ANKLE2: variants seen among roughly 807,000 people sequenced by gnomAD.
ANKLE2 encodes ankyrin repeat and LEM domain-containing protein 2.
ANKLE2 carries 55 observed loss-of-function variants against 84.2 expected under a neutral mutation model. The ratio of observed to expected loss-of-function variants is 0.65; its 90% CI spans 0.53 to 0.82. The LOEUF is 0.82. Ranked by LOEUF, ANKLE2 falls within the 40% of genes least tolerant of loss-of-function variation. The pLI is 0.00. For synonymous variants in ANKLE2, 551 were observed against 486.1 expected (o/e 1.13, Z -1.76); for missense variants, 1,238 against 1,201.9 (o/e 1.03, Z -0.44).
In ANKLE2 at chr12:132,727,023, A is replaced by G; in HGVS notation, c.*219T>C. 1.7e-6 allele frequency: 1 copy of G among 576,932 alleles called. No individual in the cohort carries two copies. The highest frequency in any genetic ancestry group is 2.9e-6 in the Non-Finnish European group (1 of 347,844). The allele number at this position is 576,932 out of a possible 1,614,324, so 35.7% of individuals were successfully genotyped here. ...ATTACCACATGGATATTTTCCAGAAAATTGGTAACTGAGTTTGCTTTCATT... is the reference window on the plus strand; with the variant it reads ...ATTACCACATGGATATTTTCCAGAAGATTGGTAACTGAGTTTGCTTTCATT... On this transcript the variant is annotated 3_prime_UTR_variant, in exon 13 of 13. Coordinates refer to ENST00000357997, the MANE Select transcript of ANKLE2 (RefSeq NM_015114.3).
At chr12:132,755,489 T>C in intron 1 of ANKLE2, 1 of 151,698 alleles carries the variant, frequency 6.6e-6, no homozygotes, top group Non-Finnish European at 1.4e-5. Context: ...AGGCTGCAAT[T>C]AGCCGAGATC....
intron 11 of ANKLE2, among the ~76,000 whole-genome samples, chr12:132,728,997 AAG>A (rs1397136866): frequency 6.6e-6 from 1 of 152,076 alleles, no homozygotes; most frequent in African/African-American, 2.4e-5. Flanking sequence ...AAGACCCAGA[AAG>A]AGCATCTAGA....
intron 8 of ANKLE2, 92 bp downstream of exon 8, chr12:132,736,801 G>C: frequency 2.8e-6 from 4 of 1,448,142 alleles, no homozygotes; most frequent in Non-Finnish European, 3.7e-6. Context: ...CATGGTCCCT[G>C]AGACCACGCA....
In ANKLE2 at chr12:132,755,144, G is replaced by C. The variant is rs1294757872; in HGVS notation, c.182-11C>G. 6.3e-7 allele frequency: 1 copy of C among 1,578,412 alleles called. No homozygotes were observed. On this transcript the variant is annotated splice_polypyrimidine_tract_variant and intron_variant, in intron 1 of 12. Coordinates refer to ENST00000357997, the MANE Select transcript of ANKLE2 (RefSeq NM_015114.3). ...CCATTGTCATTTCACCTAGGCCCAA[G>C]ACAAAAAAATCAAAGAGTCACAAAA...
At position 132,754,884 on chromosome 12, in the gene ANKLE2, T is replaced by G; in HGVS notation, c.431A>C (p.Asn144Thr). Residue 144 changes from asparagine (N) to threonine (T), a missense_variant, in exon 2 of 13, where the codon AAC (asparagine) becomes ACC (threonine). Physicochemically the swap from Asn to Thr is moderately conservative, Grantham distance 65 (BLOSUM62 0). Transcript: ENST00000357997. ...PQRILKPAEG[N>T]PTDQAGFSED... The stretch of plus-strand genomic sequence containing the variant: ...AGAAAAACCAGCCTGATCAGTTGGG[T>G]TCCCTTCAGCTGGCTTCAAAATCCT... The G allele has an allele frequency of 6.2e-7, 1 of 1,614,190 alleles. No individual in the cohort carries two copies. The highest frequency in any genetic ancestry group is 8.5e-7 in the Non-Finnish European group (1 of 1,180,028).
chr12:132,759,814 G>C (rs1008990322), intron 1 of ANKLE2: 1 of 151,976 alleles, frequency 6.6e-6, no homozygotes, highest in African/African-American at 2.4e-5. Context: ...TAAAAGAGCA[G>C]GCTGAAAACA....
chr12:132,735,604 C>T, intron 8 of ANKLE2, 92 bp from the exon 9 acceptor site: 1 of 1,013,838 alleles, frequency 9.9e-7, no homozygotes, highest in East Asian at 2.4e-5. Context: ...CAGTAGCTGC[C>T]TGTCTCCGCA....
At position 132,753,971 on chromosome 12, in the gene ANKLE2, G is replaced by A. The variant is rs571986979; in HGVS notation, c.640+704C>T. 5.9e-5 allele frequency among the ~76,000 whole-genome samples: 9 copies of A among 152,122 alleles called. No homozygotes were observed. The East Asian group carries it at 7.7e-4, about 13-fold the overall frequency. On this transcript the variant is annotated intron_variant, in intron 2 of 12. Transcript: ENST00000357997. ...TTAAAAAAATAAAATGGCCAGGCGC[G>A]GTGGCTCAAGCCTGTAATCTCAGCA...
At chr12:132,734,887 G>C (rs1231375185) in intron 9 of ANKLE2, 1 of 360,080 alleles carries the variant, frequency 2.8e-6, no homozygotes, top group African/African-American at 2.2e-5. Flanking sequence ...ACAGACGGAC[G>C]TGTTCATGAT....
rs930892500 is a variant in ANKLE2, at chr12:132,727,293, G to A, written c.2766C>T (p.His922=). The A allele has an allele frequency of 1.1e-5, 17 of 1,566,540 alleles. No individual in the cohort carries two copies. Among genetic ancestry groups the A allele is most frequent in the East Asian group, 2.4e-5 (1 of 42,006 alleles). ...LGSPGRYSPV[H]GSQLRRMARL... ...GCGCCATCCTGCGGAGCTGGCTCCC[G>A]TGCACGGGGCTGTAGCGCCCAGGAC... Residue 922 remains histidine (H), a synonymous_variant, in exon 13 of 13, where the codon CAC becomes CAT. Transcript: ENST00000357997.
At chr12:132,748,824 G>T (rs1416169036) in intron 3 of ANKLE2, 1 of 165,562 alleles carries the variant, frequency 6.0e-6, no homozygotes, top group Non-Finnish European at 1.3e-5. Flanking sequence ...AAGTAGCTGG[G>T]ACTACAGTTG....
At position 132,730,466 on chromosome 12, in the gene ANKLE2, T is replaced by G. The variant is rs1430452258; in HGVS notation, c.1892-196A>C. The stretch of plus-strand genomic sequence containing the variant: ...GCATCCAAAACCTCCTCATCAGATT[T>G]CAGGATGGAAAACCACCCACACGAC... On this transcript the variant is annotated intron_variant, in intron 10 of 12. Coordinates refer to ENST00000357997, the MANE Select transcript of ANKLE2 (RefSeq NM_015114.3). 5.2e-6 allele frequency: 3 copies of G among 574,572 alleles called. No individual in the cohort carries two copies. The African/African-American group carries it at 5.6e-5, about 11-fold the overall frequency. 35.6% of individuals were successfully genotyped at this position (574,572 alleles called of 1,614,324 possible).
At chr12:132,731,753 G>C (rs1369759384) in intron 10 of ANKLE2, 1 of 152,226 alleles carries the variant, frequency 6.6e-6, no homozygotes, top group Non-Finnish European at 1.5e-5. Flanking sequence ...CGGCCGCTGG[G>C]ATTGCAGGCC....
intron 5 of ANKLE2, chr12:132,745,776 C>G (rs1386588828): frequency 5.9e-6 from 1 of 169,778 alleles, no homozygotes; most frequent in Non-Finnish European, 1.3e-5. Context: ...TTACGCTCAG[C>G]TGCAGAGCAC....
intron 1 of ANKLE2, chr12:132,755,353 G>C (rs1413024682): frequency 2.3e-6 from 1 of 443,448 alleles, no homozygotes; most frequent in Non-Finnish European, 4.0e-6. Flanking sequence ...AGACCAGCCC[G>C]GCCAACATGG....
In ANKLE2 at chr12:132,748,337, A is replaced by G. The variant is rs910586271; in HGVS notation, c.848-6T>C. ...TTCCGACAAGCACAAACCATCTGTC[A>G]GTAAGAGACAGAATTTAAGAACAAT... On this transcript the variant is annotated splice_polypyrimidine_tract_variant and splice_region_variant and intron_variant, in intron 3 of 12. Transcript: ENST00000357997. 3 of 1,613,690 alleles carry G rather than the reference A, an allele frequency of 1.9e-6. No individual in the cohort carries two copies. Among genetic ancestry groups the G allele is most frequent in the Non-Finnish European group, 2.5e-6 (3 of 1,179,858 alleles).
intron 5 of ANKLE2, among the ~76,000 whole-genome samples, chr12:132,744,453 G>A (rs924468824): frequency 9.2e-5 from 14 of 151,972 alleles, no homozygotes; most frequent in East Asian, 1.9e-4. Context: ...TGGACCCTGC[G>A]GCCTGCACTG....
chr12:132,750,694 G>C lies in ANKLE2; in HGVS notation c.796C>G (p.Pro266Ala). Residue 266 changes from proline to alanine, a missense_variant, in exon 3 of 13, where the codon CCA becomes GCA. Physicochemically the swap from Pro to Ala is conservative, Grantham distance 27. Coordinates refer to ENST00000357997, the MANE Select transcript of ANKLE2 (RefSeq NM_015114.3). ...YFPSPSKTSL[P>A]LSPVKTAPLF... ...GGAGCTGTTTTCACAGGAGACAGTGGTAAGGACGTTTTGCTTGGAGAAGGG... is the reference window on the plus strand; with the variant it reads ...GGAGCTGTTTTCACAGGAGACAGTGCTAAGGACGTTTTGCTTGGAGAAGGG... The C allele has an allele frequency of 6.2e-7, 1 of 1,614,242 alleles. No homozygotes were observed. Among genetic ancestry groups the C allele is most frequent in the Non-Finnish European group, 8.5e-7 (1 of 1,180,040 alleles).
chr12:132,750,942 T>C, intron 2 of ANKLE2, 93 bp from the exon 3 acceptor site: 1 of 1,137,464 alleles, frequency 8.8e-7, no homozygotes, highest in Admixed American at 2.0e-5. Context: ...AGCTTCCACA[T>C]CTGCTACCCA....
Sources: allele counts gnomAD v4.1 joint callset (sites outside exome capture counted in the v4.1 genomes callset), GRCh38; gene constraint gnomAD v4.1.1; transcripts MANE v1.5; gene names NCBI Gene and HGNC (gene_info 2026-07-23, HGNC 2026-07-21).